The following ATP9B variants were observed in gnomAD, a reference collection of about 807,000 sequenced individuals.
ATP9B encodes the protein probable phospholipid-transporting ATPase IIB.
Under a neutral mutation model 146.1 loss-of-function variants are expected in ATP9B, and 110 were observed. The observed-to-expected ratio is 0.75, with a 90% CI of 0.65 to 0.88. ATP9B has a LOEUF of 0.88. ATP9B is among the 40% of genes least tolerant of loss of function. The pLI is 0.00. For synonymous variants in ATP9B, 604 were observed against 569.7 expected (o/e 1.06, Z -0.86); for missense variants, 1,499 against 1,496.4 (o/e 1.00, Z -0.03).
At chr18:79,207,463 A>T (rs898051534) in intron 10 of ATP9B, among the ~76,000 whole-genome samples, 19 of 152,190 alleles carry the variant, frequency 1.2e-4, no homozygotes, top group Admixed American at 8.5e-4. Context: ...GTGCTGTGAG[A>T]GGTAGACGAT....
At chr18:79,071,560 T>A (rs941845243) in intron 1 of ATP9B, among the ~76,000 whole-genome samples, 3 of 151,596 alleles carry the variant, frequency 2.0e-5, no homozygotes, top group South Asian at 2.1e-4. Flanking sequence ...TAAAAAAAAT[T>A]TTTTTTGAAG....
chr18:79,100,669 G>A (rs142461132), intron 2 of ATP9B, among the ~76,000 whole-genome samples: 3 of 152,130 alleles, frequency 2.0e-5, no homozygotes, highest in Admixed American at 1.3e-4. Context: ...TCCTGTATTA[G>A]TTCATTTTCA....
At chr18:79,185,653 T>C (rs2095300957) in intron 8 of ATP9B, among the ~76,000 whole-genome samples, 1 of 152,226 alleles carries the variant, frequency 6.6e-6, no homozygotes, top group South Asian at 2.1e-4. Flanking sequence ...GTATAGATCT[T>C]TTTTCTATAG....
chr18:79,175,018 G>A (rs555316991), intron 7 of ATP9B, among the ~76,000 whole-genome samples: 1 of 151,906 alleles, frequency 6.6e-6, no homozygotes, highest in African/African-American at 2.4e-5. Context: ...GGCCAACATG[G>A]TGAAACCCTG....
At chr18:79,139,997 A>G (rs1433184192) in intron 5 of ATP9B, among the ~76,000 whole-genome samples, 1 of 152,210 alleles carries the variant, frequency 6.6e-6, no homozygotes, top group African/African-American at 2.4e-5. Flanking sequence ...GGATACTCAG[A>G]TATTTAAATA....
rs566632990 is a variant in ATP9B, at chr18:79,327,910, G to A, written c.1774-1231G>A. On this transcript the variant is annotated intron_variant, in intron 15 of 29. Transcript: ENST00000426216. ...GCTCTCCGTGGTTAGCGTGCTCTCCGTGGGTAGCGTGCTCTCTCTGGTTAG... is the reference window on the plus strand; with the variant it reads ...GCTCTCCGTGGTTAGCGTGCTCTCCATGGGTAGCGTGCTCTCTCTGGTTAG... Among the ~76,000 whole-genome samples, 14 of 124,292 alleles carry A rather than the reference G, an allele frequency of 1.1e-4. 1 individual carries two copies. Among genetic ancestry groups the A allele is most frequent in the African/African-American group, 3.6e-4 (11 of 30,632 alleles). The allele number at this position is 124,292 out of a possible 152,430, so 81.5% of individuals were successfully genotyped here.
intron 15 of ATP9B, among the ~76,000 whole-genome samples, chr18:79,308,219 C>A (rs1185741113): frequency 6.6e-6 from 1 of 152,132 alleles, no homozygotes; most frequent in East Asian, 1.9e-4. Context: ...CTGGAACCTG[C>A]ATGCACTGTG....
At chr18:79,374,544 C>G (rs932465160) in intron 28 of ATP9B, among the ~76,000 whole-genome samples, 1 of 152,126 alleles carries the variant, frequency 6.6e-6, no homozygotes, top group Non-Finnish European at 1.5e-5. Flanking sequence ...AGGCGCTGAG[C>G]CCCGTCGGTC....
intron 15 of ATP9B, among the ~76,000 whole-genome samples, chr18:79,325,561 A>G (rs2096739561): frequency 6.6e-6 from 1 of 152,214 alleles, no homozygotes. Context: ...TTCCTTAACT[A>G]GAGCCTAAAA....
chr18:79,263,420 G>A (rs1350751868), intron 12 of ATP9B, among the ~76,000 whole-genome samples: 3 of 152,194 alleles, frequency 2.0e-5, no homozygotes, highest in African/African-American at 4.8e-5. Context: ...CCTCAGATAC[G>A]GAGGGTTGAC....
intron 1 of ATP9B, among the ~76,000 whole-genome samples, chr18:79,071,889 GTTT>G (rs71161758): frequency 7.7e-5 from 7 of 91,428 alleles, no homozygotes; most frequent in Non-Finnish European, 1.3e-4. Context: ...GTTTGGTTTT[GTTT>G]TTTTTTTTTT....
intron 11 of ATP9B, among the ~76,000 whole-genome samples, chr18:79,229,690 A>G (rs2095771376): frequency 6.6e-6 from 1 of 152,352 alleles, no homozygotes; most frequent in South Asian, 2.1e-4. Context: ...GAAGAAAACC[A>G]GATTGCCAAG....
chr18:79,327,770 T>A (rs1600057330), intron 15 of ATP9B, among the ~76,000 whole-genome samples: 1 of 130,226 alleles, frequency 7.7e-6, no homozygotes, highest in Non-Finnish European at 1.6e-5. Flanking sequence ...CTCTCTGTGG[T>A]TAACGTGCTC....
At chr18:79,283,753 G>A (rs534418062) in intron 13 of ATP9B, among the ~76,000 whole-genome samples, 67 of 152,328 alleles carry the variant, frequency 4.4e-4, no homozygotes, top group African/African-American at 1.5e-3. Flanking sequence ...AATACTCGAC[G>A]CCGGCTGATA....
chr18:79,267,325 C>A (rs2096213454), intron 12 of ATP9B, among the ~76,000 whole-genome samples: 1 of 151,954 alleles, frequency 6.6e-6, no homozygotes, highest in South Asian at 2.1e-4. Context: ...GACCACTCTT[C>A]CAATAGGTTT....
At chr18:79,127,952 G>T (rs1457908384) in intron 5 of ATP9B, among the ~76,000 whole-genome samples, 1 of 148,778 alleles carries the variant, frequency 6.7e-6, no homozygotes, top group Non-Finnish European at 1.5e-5. Flanking sequence ...GTTTTGGTTT[G>T]TATTTTCCTA....
At chr18:79,176,952 G>A (rs1226314131) in intron 8 of ATP9B, 45 bp downstream of exon 8, 1 of 1,505,406 alleles carries the variant, frequency 6.6e-7, no homozygotes, top group Non-Finnish European at 9.2e-7. Flanking sequence ...TTCAATGGTA[G>A]TTTCTAGGCT....
chr18:79,125,082 A>G (rs2094259438), intron 4 of ATP9B, among the ~76,000 whole-genome samples: 1 of 152,170 alleles, frequency 6.6e-6, no homozygotes, highest in African/African-American at 2.4e-5. Context: ...CTTACTTGAG[A>G]ATAGTTTTAG....
chr18:79,234,571 G>A (rs919710185), intron 11 of ATP9B, among the ~76,000 whole-genome samples: 2 of 152,106 alleles, frequency 1.3e-5, no homozygotes, highest in African/African-American at 2.4e-5. Context: ...TGCTGCTGTG[G>A]GCTTGCTTGC....
Sources: allele counts gnomAD v4.1 joint callset (sites outside exome capture counted in the v4.1 genomes callset), GRCh38; gene constraint gnomAD v4.1.1; transcripts MANE v1.5; gene names NCBI Gene and HGNC (gene_info 2026-07-23, HGNC 2026-07-21).